TBC1D9: variants seen among roughly 807,000 people sequenced by gnomAD.
TBC1D9 encodes the protein TBC1 domain family member 9.
TBC1D9 carries 63 observed loss-of-function variants against 132.0 expected under a neutral mutation model. The observed-to-expected ratio is 0.48, with a 90% CI of 0.39 to 0.59. The LOEUF is 0.59. Ranked by LOEUF, TBC1D9 falls within the 20% of genes least tolerant of loss-of-function variation. TBC1D9 has a pLI of 0.00. For missense variants in TBC1D9, 1,261 were observed against 1,592.7 expected (o/e 0.79, Z 3.54); for synonymous variants, 610 against 609.9 (o/e 1.00, Z 0.00).
chr4:140,622,010 C>A lies in TBC1D9; in HGVS notation c.*185G>T, dbSNP rs982085033. ...TCCCCGCAACAAGAGTGTAATGTAC[C>A]TACATTGAGGTGTTTAAATATTTCT... On this transcript the variant is annotated 3_prime_UTR_variant, in exon 21 of 21. Transcript: ENST00000442267. 11 of 774,928 alleles carry A rather than the reference C, an allele frequency of 1.4e-5. No homozygotes were observed. Among genetic ancestry groups the A allele is most frequent in the Non-Finnish European group, 2.1e-5 (11 of 534,126 alleles). The allele number at this position is 774,928 out of a possible 1,614,324, so 48.0% of individuals were successfully genotyped here.
At chr4:140,668,804 A>G (rs1019522586) in intron 9 of TBC1D9, 113 bp downstream of exon 9, 28 of 1,091,532 alleles carry the variant, frequency 2.6e-5, no homozygotes, top group Non-Finnish European at 3.4e-5. Flanking sequence ...GTAGCTTTCA[A>G]CTGGGGGATG....
chr4:140,649,027 G>A (rs1737146820), intron 13 of TBC1D9, among the ~76,000 whole-genome samples: 1 of 152,206 alleles, frequency 6.6e-6, no homozygotes, highest in South Asian at 2.1e-4. Context: ...GGGAAGACAA[G>A]GATGGATGAA....
intron 2 of TBC1D9, among the ~76,000 whole-genome samples, chr4:140,690,360 T>A (rs956521373): frequency 1.3e-5 from 2 of 152,148 alleles, no homozygotes; most frequent in Non-Finnish European, 2.9e-5. Flanking sequence ...ATCCCCACCA[T>A]CCACCTCCAA....
At chr4:140,737,619 G>C (rs1369073458) in intron 1 of TBC1D9, among the ~76,000 whole-genome samples, 1 of 152,142 alleles carries the variant, frequency 6.6e-6, no homozygotes, top group African/African-American at 2.4e-5. Context: ...TGTAGTCACA[G>C]ACAGTGATAC....
chr4:140,696,760 C>T (rs1046472328), intron 2 of TBC1D9, among the ~76,000 whole-genome samples: 3 of 152,158 alleles, frequency 2.0e-5, no homozygotes, highest in African/African-American at 7.2e-5. Flanking sequence ...TAAAGATTTA[C>T]AAAACACATG....
At chr4:140,660,599 T>A (rs1218980370) in intron 10 of TBC1D9, among the ~76,000 whole-genome samples, 1 of 152,232 alleles carries the variant, frequency 6.6e-6, no homozygotes, top group Non-Finnish European at 1.5e-5. Flanking sequence ...AGTTCCTTAG[T>A]CATTTAGCGG....
At chr4:140,642,826 G>A (rs1273617201) in intron 13 of TBC1D9, 9 of 595,228 alleles carry the variant, frequency 1.5e-5, no homozygotes, top group African/African-American at 5.6e-5. Flanking sequence ...TCTTGCGGGC[G>A]GGCGACAGGG....
At chr4:140,726,638 T>C (rs146425862) in intron 1 of TBC1D9, among the ~76,000 whole-genome samples, 64 of 152,324 alleles carry the variant, frequency 4.2e-4, no homozygotes, top group African/African-American at 1.3e-3. Context: ...AAAATAAATA[T>C]GGTAAAATTA....
At chr4:140,736,700 G>A (rs978314145) in intron 1 of TBC1D9, among the ~76,000 whole-genome samples, 3 of 152,166 alleles carry the variant, frequency 2.0e-5, no homozygotes. Flanking sequence ...TTCTCATGAT[G>A]AAGATTAGCC....
intron 13 of TBC1D9, among the ~76,000 whole-genome samples, chr4:140,645,680 C>T (rs1737092662): frequency 6.6e-6 from 1 of 152,226 alleles, no homozygotes; most frequent in Non-Finnish European, 1.5e-5. Context: ...TCCAAGGCCT[C>T]TAAGCCCTTC....
At chr4:140,622,965 A>G in intron 20 of TBC1D9, 48 bp from the exon 21 acceptor site, 3 of 1,466,538 alleles carry the variant, frequency 2.0e-6, no homozygotes, top group Non-Finnish European at 2.7e-6. Flanking sequence ...GGGGGAGCAG[A>G]AAGGCAGCAC....
intron 13 of TBC1D9, chr4:140,643,083 GC>G: frequency 7.4e-7 from 1 of 1,349,774 alleles, no homozygotes; most frequent in Non-Finnish European, 1.0e-6. Flanking sequence ...CTTATTGTGG[GC>G]TTCAGCTCCC....
At chr4:140,750,830 T>C (rs536095162) in intron 1 of TBC1D9, among the ~76,000 whole-genome samples, 4 of 152,222 alleles carry the variant, frequency 2.6e-5, no homozygotes, top group Admixed American at 2.6e-4. Context: ...AAAATACAGA[T>C]GGGTCCCAAC....
At chr4:140,712,269 C>G (rs1308533913) in intron 1 of TBC1D9, 4 of 149,632 alleles carry the variant, frequency 2.7e-5, no homozygotes, top group Admixed American at 1.4e-4. Flanking sequence ...CGGAGTTCAT[C>G]AATGCTACAA....
chr4:140,669,862 T>C, intron 7 of TBC1D9, 58 bp from the exon 8 acceptor site: 1 of 1,500,934 alleles, frequency 6.7e-7, no homozygotes, highest in Non-Finnish European at 9.2e-7. Flanking sequence ...AACCTACTTC[T>C]TCAGTGTCTT....
chr4:140,712,748 A>AATAGATAGATAGATAGATAG (rs58318321), intron 1 of TBC1D9, among the ~76,000 whole-genome samples: 18 of 146,260 alleles, frequency 1.2e-4, no homozygotes, highest in African/African-American at 2.6e-4. Context: ...ATCTCAAAAA[A>AATAGATAGATAGATAGATAG]ATAGATAGAT....
chr4:140,750,584 A>G (rs1298361772), intron 1 of TBC1D9, among the ~76,000 whole-genome samples: 3 of 152,082 alleles, frequency 2.0e-5, no homozygotes, highest in Non-Finnish European at 4.4e-5. Context: ...AATATAATAA[A>G]TGAAGCTTAA....
chr4:140,638,557 G>A (rs1161769101), intron 15 of TBC1D9, among the ~76,000 whole-genome samples: 1 of 151,812 alleles, frequency 6.6e-6, no homozygotes, highest in African/African-American at 2.4e-5. Flanking sequence ...CGGGTGTGGT[G>A]GTGTGCGCCT....
At chr4:140,644,109 G>A (rs1578821344) in intron 13 of TBC1D9, 1 of 379,218 alleles carries the variant, frequency 2.6e-6, no homozygotes, top group East Asian at 5.7e-5. Context: ...CAGGCCATCC[G>A]CATCGGCGGC....
Sources: allele counts gnomAD v4.1 joint callset (sites outside exome capture counted in the v4.1 genomes callset), GRCh38; gene constraint gnomAD v4.1.1; transcripts MANE v1.5; gene names NCBI Gene and HGNC (gene_info 2026-07-23, HGNC 2026-07-21).